Variants in CDH2 observed in about 807,000 individuals in gnomAD.
The protein encoded by CDH2 is cadherin 2.
Under a neutral mutation model 92.0 loss-of-function variants are expected in CDH2, and 17 were observed. That is an observed-to-expected ratio of 0.18 (90% CI 0.13 to 0.28). CDH2 has a LOEUF of 0.28. Among genes scored for constraint, CDH2 ranks in the 10% least tolerant of loss-of-function variants. The pLI, the probability that CDH2 is intolerant of heterozygous loss-of-function variation, is 1.00. For synonymous variants in CDH2, 419 were observed against 415.9 expected (o/e 1.01, Z -0.09); for missense variants, 862 against 1,133.1 (o/e 0.76, Z 3.44).
At chr18:27,953,663 AT>A (rs11322491) in intron 15 of CDH2, among the ~76,000 whole-genome samples, 119,649 of 151,976 alleles carry the variant, frequency 0.79, 50,102 homozygotes, top group East Asian at 0.94. Flanking sequence ...TAAGGTCAGA[AT>A]CAGTATGGTG....
At chr18:27,991,458 G>C (rs1048017175) in intron 9 of CDH2, among the ~76,000 whole-genome samples, 10 of 152,194 alleles carry the variant, frequency 6.6e-5, no homozygotes, top group Admixed American at 6.5e-5. Context: ...AGAAAGTTAA[G>C]ACTGCAATAT....
intron 2 of CDH2, 22 bp from the exon 3 acceptor site, chr18:28,013,931 T>C: frequency 6.4e-7 from 1 of 1,571,112 alleles, no homozygotes; most frequent in Non-Finnish European, 8.7e-7. Flanking sequence ...AAGAAATAGG[T>C]CAGTTATTAT....
At chr18:27,984,456 T>C (rs1300685672) in intron 13 of CDH2, among the ~76,000 whole-genome samples, 2 of 152,164 alleles carry the variant, frequency 1.3e-5, no homozygotes, top group Non-Finnish European at 2.9e-5. Context: ...AGACAGACAA[T>C]CTACTGAGCT....
intron 2 of CDH2, among the ~76,000 whole-genome samples, chr18:28,120,702 A>G (rs1405789368): frequency 6.6e-6 from 1 of 152,110 alleles, no homozygotes; most frequent in Non-Finnish European, 1.5e-5. Context: ...GAGAAAACCT[A>G]TGGAACTTCA....
intron 2 of CDH2, among the ~76,000 whole-genome samples, chr18:28,084,288 A>G (rs539203303): frequency 2.0e-5 from 3 of 152,290 alleles, no homozygotes; most frequent in East Asian, 3.9e-4. Flanking sequence ...ACTGAACTCT[A>G]ACACAGCAGG....
intron 14 of CDH2, among the ~76,000 whole-genome samples, chr18:27,976,308 C>T (rs2011828326): frequency 6.6e-6 from 1 of 152,114 alleles, no homozygotes; most frequent in African/African-American, 2.4e-5. Flanking sequence ...TCATTTGTGA[C>T]CCCAGCCAAG....
Position 28,070,919 on chromosome 18 carries a change from AT to A in CDH2, c.173-57011del, listed in dbSNP as rs45579837. On this transcript the variant is annotated intron_variant, in intron 2 of 15. Transcript: ENST00000269141. ...TATTTAGGAGACATTCTGTTTTTCA[AT>A]TTTTTTTCTTCTCCACATCAGCCCA... is the stretch of plus-strand genomic sequence containing the variant. Among the ~76,000 whole-genome samples, 30 of 151,784 alleles carry A rather than the reference AT, an allele frequency of 2.0e-4. 1 individual carries two copies. Among genetic ancestry groups the A allele is most frequent in the African/African-American group, 5.8e-4 (24 of 41,410 alleles).
chr18:28,049,889 G>C (rs888868421), intron 2 of CDH2, among the ~76,000 whole-genome samples: 1 of 152,160 alleles, frequency 6.6e-6, no homozygotes, highest in African/African-American at 2.4e-5. Context: ...CCATTTCATT[G>C]ATGTTTAGTG....
chr18:28,026,612 C>T (rs766480064), intron 2 of CDH2, among the ~76,000 whole-genome samples: 3 of 152,128 alleles, frequency 2.0e-5, no homozygotes, highest in Non-Finnish European at 4.4e-5. Flanking sequence ...GCCCAAGGAG[C>T]TACCTGCTGA....
intron 2 of CDH2, among the ~76,000 whole-genome samples, chr18:28,131,696 G>A (rs2015774102): frequency 6.6e-6 from 1 of 151,920 alleles, no homozygotes; most frequent in African/African-American, 2.4e-5. Context: ...GTGTGTGTGT[G>A]TGTGTGTGTG....
intron 2 of CDH2, among the ~76,000 whole-genome samples, chr18:28,084,590 T>TACAC (rs373323241): frequency 1.3e-5 from 2 of 149,804 alleles, no homozygotes; most frequent in Non-Finnish European, 3.0e-5. Flanking sequence ...AAAAAAAGGA[T>TACAC]ACACACACAC....
chr18:28,041,556 A>G (rs2013948091), intron 2 of CDH2, among the ~76,000 whole-genome samples: 1 of 152,238 alleles, frequency 6.6e-6, no homozygotes, highest in Non-Finnish European at 1.5e-5. Context: ...CCATGACAAC[A>G]GGAAAAAATG....
At chr18:28,066,398 C>G (rs2014507636) in intron 2 of CDH2, among the ~76,000 whole-genome samples, 1 of 152,098 alleles carries the variant, frequency 6.6e-6, no homozygotes, top group Non-Finnish European at 1.5e-5. Flanking sequence ...CCACCTTTAG[C>G]ACAAGAGTTC....
At chr18:27,936,081 T>G (rs1485925281) in intron 6 of CDH2, among the ~76,000 whole-genome samples, 1 of 152,198 alleles carries the variant, frequency 6.6e-6, no homozygotes, top group Non-Finnish European at 1.5e-5. Context: ...TTTCACTTCT[T>G]CTTGACAATA....
chr18:28,014,674 G>A (rs911993686), intron 2 of CDH2, among the ~76,000 whole-genome samples: 13 of 151,696 alleles, frequency 8.6e-5, no homozygotes, highest in African/African-American at 2.4e-5. Context: ...GATGACAAGA[G>A]TAGAAGAATT....
intron 2 of CDH2, among the ~76,000 whole-genome samples, chr18:28,133,608 C>T (rs935630479): frequency 4.3e-5 from 6 of 138,500 alleles, no homozygotes; most frequent in Middle Eastern, 3.7e-3. Context: ...AAAAAAAGAA[C>T]TTGGCATATA....
chr18:27,972,450 T>C (rs1457106952), intron 14 of CDH2, among the ~76,000 whole-genome samples: 1 of 152,164 alleles, frequency 6.6e-6, no homozygotes, highest in East Asian at 1.9e-4. Context: ...AGACCTAGGT[T>C]TGAAAACGGA....
At chr18:27,963,603 CA>C in intron 14 of CDH2, 82 bp from the exon 15 acceptor site, 1 of 1,244,596 alleles carries the variant, frequency 8.0e-7, no homozygotes, top group South Asian at 1.3e-5. Context: ...AGCACATACT[CA>C]GAACACATAG....
intron 14 of CDH2, among the ~76,000 whole-genome samples, chr18:27,965,557 T>C (rs937631274): frequency 6.6e-6 from 1 of 152,214 alleles, no homozygotes; most frequent in Non-Finnish European, 1.5e-5. Context: ...TTTCAAATCA[T>C]CCATACAAAA....
Sources: allele counts gnomAD v4.1 joint callset (sites outside exome capture counted in the v4.1 genomes callset), GRCh38; gene constraint gnomAD v4.1.1; transcripts MANE v1.5; gene names NCBI Gene and HGNC (gene_info 2026-07-23, HGNC 2026-07-21).